Variants in KATNAL2 observed in about 807,000 individuals in gnomAD.
KATNAL2 encodes the protein katanin catalytic subunit A1 like 2, also known as katanin p60 ATPase-containing subunit A-like 2.
Under a neutral mutation model 76.3 loss-of-function variants are expected in KATNAL2, and 52 were observed. The ratio of observed to expected loss-of-function variants is 0.68; its 90% CI spans 0.55 to 0.86. KATNAL2 has a LOEUF of 0.86. Ranked by LOEUF, KATNAL2 falls within the 40% of genes least tolerant of loss-of-function variation. KATNAL2 has a pLI of 0.00. For missense variants in KATNAL2, 660 were observed against 668.9 expected (o/e 0.99, Z 0.15); for synonymous variants, 243 against 244.2 (o/e 1.00, Z 0.05).
At chr18:46,919,442 C>T (rs2058389083) in intron 1 of KATNAL2, among the ~76,000 whole-genome samples, 1 of 151,726 alleles carries the variant, frequency 6.6e-6, no homozygotes, top group African/African-American at 2.4e-5. Context: ...GCGGAGATAG[C>T]GCCATTGCAC....
At chr18:47,034,580 A>G in intron 3 of KATNAL2, 1 of 1,614,144 alleles carries the variant, frequency 6.2e-7, no homozygotes, top group Non-Finnish European at 8.5e-7. Flanking sequence ...TGGCGAGACG[A>G]TTTGTGCCCC....
At chr18:47,078,282 CT>C (rs1458493118) in intron 15 of KATNAL2, among the ~76,000 whole-genome samples, 1 of 152,100 alleles carries the variant, frequency 6.6e-6, no homozygotes, top group Non-Finnish European at 1.5e-5. Context: ...AAGAGAAACT[CT>C]TCTGTAGTGC....
At chr18:46,925,174 A>G (rs2058690723) in intron 1 of KATNAL2, among the ~76,000 whole-genome samples, 1 of 152,122 alleles carries the variant, frequency 6.6e-6, no homozygotes, top group African/African-American at 2.4e-5. Flanking sequence ...TTTCAAAGGG[A>G]ATGCTCCAGT....
At chr18:47,100,493 C>T in intron 17 of KATNAL2, 137 bp downstream of exon 17, 1 of 674,276 alleles carries the variant, frequency 1.5e-6, no homozygotes, top group Non-Finnish European at 2.5e-6. Context: ...ATCCCTCACT[C>T]AACTCATTCC....
In KATNAL2 at chr18:47,091,501, T is replaced by A. The variant is rs1353978432; in HGVS notation, c.1212-7742T>A. Among the ~76,000 whole-genome samples the A allele has an allele frequency of 3.3e-5, 5 of 152,356 alleles. No homozygotes were observed. The East Asian group carries it at 9.6e-4, about 29-fold the overall frequency. On this transcript the variant is annotated intron_variant, in intron 15 of 17. Coordinates refer to ENST00000683218, the MANE Select transcript of KATNAL2 (RefSeq NM_001387690.1). The stretch of plus-strand genomic sequence containing the variant: ...CTGGTTGCCACAGGTTAAATTTTTT[T>A]ATATAAATATATTGGCATAAAGAAT...
At chr18:47,036,388 G>C (rs968030798) in intron 3 of KATNAL2, among the ~76,000 whole-genome samples, 1 of 152,200 alleles carries the variant, frequency 6.6e-6, no homozygotes, top group African/African-American at 2.4e-5. Flanking sequence ...CCTTCAAAAA[G>C]TCTTTTAGTC....
At chr18:46,933,570 G>C (rs897183223) in intron 1 of KATNAL2, among the ~76,000 whole-genome samples, 1 of 151,978 alleles carries the variant, frequency 6.6e-6, no homozygotes, top group Admixed American at 6.6e-5. Flanking sequence ...ATAGGCACCA[G>C]GCATAAACAA....
At chr18:46,956,396 C>T (rs147714942) in intron 3 of KATNAL2, among the ~76,000 whole-genome samples, 223 of 152,224 alleles carry the variant, frequency 1.5e-3, no homozygotes, top group African/African-American at 4.9e-3. Flanking sequence ...ATGATACTAC[C>T]GTCTCTTTGT....
intron 1 of KATNAL2, among the ~76,000 whole-genome samples, chr18:46,945,429 T>A (rs1235158925): frequency 6.6e-6 from 1 of 152,202 alleles, no homozygotes. Context: ...GCAGCAGGGG[T>A]GAGAGTGGTT....
At chr18:46,942,155 C>T (rs1289511028) in intron 1 of KATNAL2, among the ~76,000 whole-genome samples, 2 of 151,964 alleles carry the variant, frequency 1.3e-5, no homozygotes, top group South Asian at 2.1e-4. Flanking sequence ...AAGATACTGA[C>T]ATATTCTTTG....
At chr18:47,085,468 G>A (rs1211658649) in intron 15 of KATNAL2, among the ~76,000 whole-genome samples, 1 of 152,146 alleles carries the variant, frequency 6.6e-6, no homozygotes, top group Non-Finnish European at 1.5e-5. Flanking sequence ...AGGATGAGAG[G>A]AGCCTGAAGT....
intron 15 of KATNAL2, among the ~76,000 whole-genome samples, chr18:47,085,497 C>A (rs1599832683): frequency 1.3e-5 from 2 of 152,164 alleles, no homozygotes; most frequent in African/African-American, 4.8e-5. Flanking sequence ...TCCCCAGTTA[C>A]TCCTGGAGAT....
chr18:47,100,709 A>G (rs1007859667), intron 17 of KATNAL2, among the ~76,000 whole-genome samples, 157 bp from the exon 18 acceptor site: 1 of 152,140 alleles, frequency 6.6e-6, no homozygotes, highest in African/African-American at 2.4e-5. Flanking sequence ...ACGTTAAAGA[A>G]TTTTTCCCCA....
chr18:47,101,269 A>C lies in KATNAL2; in HGVS notation c.*264A>C. ...CAATGGAGATTTTTCTGACAATTAG[A>C]CTCCATAAAATTTTAATGAACAATT... On this transcript the variant is annotated 3_prime_UTR_variant, in exon 18 of 18. Coordinates refer to ENST00000683218, the MANE Select transcript of KATNAL2 (RefSeq NM_001387690.1). The C allele has an allele frequency of 9.3e-6, 3 of 323,168 alleles. No individual in the cohort carries two copies. The highest frequency in any genetic ancestry group is 2.1e-5 in the African/African-American group (1 of 48,686). 20.0% of individuals were successfully genotyped at this position (323,168 alleles called of 1,614,324 possible). A position where few individuals can be genotyped will look rare whatever the true frequency, so the allele number is the denominator to read the frequency against.
intron 15 of KATNAL2, chr18:47,098,475 T>C (rs1308390658): frequency 6.1e-6 from 1 of 162,944 alleles, no homozygotes; most frequent in Non-Finnish European, 1.3e-5. Flanking sequence ...GCATGCGTGG[T>C]GGAAACTGCT....
rs756186918 is a variant in KATNAL2, at chr18:47,052,985, G to C, written c.228G>C (p.Glu76Asp). ...TTGAAACTATTTTGATGGAATATGA[G>C]AGTTATTATTTTGTAAAATTTCAGA... ...IDLETILMEY[E>D]SYYFVKFQKY... is the part of the protein sequence containing the mutation. The change falls in exon 5 of 18, where the codon GAG (glutamate) becomes GAC (aspartate). Residue 76 changes from glutamate to aspartate, a missense_variant. By Grantham distance (45) the Glu-to-Asp change is conservative (BLOSUM62 2). Transcript: ENST00000683218. 1 of 1,609,074 alleles carries C rather than the reference G, an allele frequency of 6.2e-7. No individual in the cohort carries two copies. The highest frequency in any genetic ancestry group is 8.5e-7 in the Non-Finnish European group (1 of 1,177,748).
chr18:46,952,743 A>C (rs1046457368), intron 3 of KATNAL2, among the ~76,000 whole-genome samples: 1 of 151,034 alleles, frequency 6.6e-6, no homozygotes, highest in African/African-American at 2.4e-5. Context: ...TTTTCACTGT[A>C]TCCTGTTCTT....
At chr18:47,076,445 TC>T (rs3214657) in intron 14 of KATNAL2, 58,137 of 151,950 alleles carry the variant, frequency 0.38, 11,625 homozygotes, top group Middle Eastern at 0.48. Context: ...CAGCCCACCC[TC>T]ATAGTCACTC....
intron 3 of KATNAL2, among the ~76,000 whole-genome samples, chr18:46,953,226 A>G (rs2059621141): frequency 6.6e-6 from 1 of 151,910 alleles, no homozygotes. Context: ...TCTTTCTTCT[A>G]ACATTTTCTC....
Sources: gnomAD v4.1 joint callset for allele counts (sites outside exome capture counted in the v4.1 genomes callset) on GRCh38, gnomAD v4.1.1 for gene constraint, MANE v1.5 for transcripts, NCBI Gene and HGNC (gene_info 2026-07-23, HGNC 2026-07-21) for gene names.